The following STK32B variants were observed in gnomAD, a reference collection of about 807,000 sequenced individuals.
STK32B encodes the protein serine/threonine kinase 32B.
In STK32B, 43 loss-of-function variants were observed where a neutral mutation model predicts 52.6. That is an observed-to-expected ratio of 0.82 (90% confidence interval 0.64 to 1.05). The LOEUF (loss-of-function observed/expected upper bound fraction) is 1.05. STK32B is among the 50% of genes least tolerant of loss of function. STK32B has a pLI of 0.00. For synonymous variants in STK32B, 238 were observed against 204.3 expected (o/e 1.17, Z -1.41); for missense variants, 621 against 534.6 (o/e 1.16, Z -1.59).
At chr4:5,376,193 C>T (rs1322931521) in intron 4 of STK32B, among the ~76,000 whole-genome samples, 1 of 152,152 alleles carries the variant, frequency 6.6e-6, no homozygotes, top group Non-Finnish European at 1.5e-5. Flanking sequence ...CTCCGCCGGA[C>T]CAGGTTCTCC....
chr4:5,079,488 A>T (rs1712278375), intron 1 of STK32B, among the ~76,000 whole-genome samples: 1 of 152,210 alleles, frequency 6.6e-6, no homozygotes. Context: ...GCAAAATTTC[A>T]ATCTCATTGG....
At chr4:5,125,735 TTCA>T (rs1715324226) in intron 1 of STK32B, among the ~76,000 whole-genome samples, 1 of 152,200 alleles carries the variant, frequency 6.6e-6, no homozygotes, top group African/African-American at 2.4e-5. Context: ...TGCTTCTGCT[TTCA>T]TCAAGAGGTC....
chr4:5,101,310 C>T (rs1057505371), intron 1 of STK32B, among the ~76,000 whole-genome samples: 4 of 151,938 alleles, frequency 2.6e-5, no homozygotes, highest in African/African-American at 7.3e-5. Context: ...AGCATGCCTT[C>T]GGGGACATTG....
At chr4:5,252,235 A>C (rs538319571) in intron 3 of STK32B, among the ~76,000 whole-genome samples, 4 of 152,194 alleles carry the variant, frequency 2.6e-5, no homozygotes, top group Non-Finnish European at 5.9e-5. Context: ...AAGATTTGTC[A>C]TTATTGGCCA....
intron 4 of STK32B, among the ~76,000 whole-genome samples, chr4:5,362,062 A>C (rs1262346730): frequency 1.3e-5 from 2 of 152,238 alleles, no homozygotes; most frequent in Non-Finnish European, 2.9e-5. Flanking sequence ...TCTCTGGAAT[A>C]GTAAACAAGC....
At chr4:5,456,667 G>GCT in intron 7 of STK32B, 140 bp from the exon 8 acceptor site, 1 of 773,490 alleles carries the variant, frequency 1.3e-6, no homozygotes, top group Admixed American at 3.2e-5. Flanking sequence ...CGGGCCACCT[G>GCT]CTCTGCCGTG....
At chr4:5,185,662 C>G (rs1208337393) in intron 3 of STK32B, among the ~76,000 whole-genome samples, 1 of 152,132 alleles carries the variant, frequency 6.6e-6, no homozygotes. Flanking sequence ...TTGTCCCTAG[C>G]CTGAACTGTT....
intron 3 of STK32B, among the ~76,000 whole-genome samples, chr4:5,231,769 G>A (rs1336578866): frequency 2.0e-5 from 3 of 152,158 alleles, no homozygotes; most frequent in Non-Finnish European, 2.9e-5. Flanking sequence ...GAGGATACAA[G>A]GGTGACAAAT....
Position 5,469,510 on chromosome 4 carries a change from G to A in STK32B, c.1106+1440G>A, listed in dbSNP as rs1316653959. 6.6e-6 allele frequency among the ~76,000 whole-genome samples: 1 copy of A among 152,236 alleles called. No homozygotes were observed. The highest frequency in any genetic ancestry group is 6.5e-5 in the Admixed American group (1 of 15,284). On this transcript the variant is annotated intron_variant, in intron 11 of 11. Coordinates refer to ENST00000282908, the MANE Select transcript of STK32B (RefSeq NM_018401.3). The surrounding 1 kb of genome is among the most constrained non-coding windows in gnomAD (Gnocchi z 4.7). ...GCATGGCTGCCGCAGGGCCTAGAGA[G>A]TGAGGAGAGGTGAGGGATGGGGCAG...
intron 2 of STK32B, among the ~76,000 whole-genome samples, chr4:5,161,274 G>C (rs542927342): frequency 6.6e-6 from 1 of 152,196 alleles, no homozygotes; most frequent in South Asian, 2.1e-4. Flanking sequence ...TTTATGTGCT[G>C]TGAAAAGTCA....
rs80126594 is a variant in STK32B at position 5,183,906 on chromosome 4, G to A, written c.260+15456G>A. On this transcript the variant is annotated intron_variant, in intron 3 of 11. Coordinates refer to ENST00000282908, the MANE Select transcript of STK32B (RefSeq NM_018401.3). Reference sequence around the variant, plus strand: ...AGCCTTCATAAAATTGAAGAGAGTTGGGAACTTGCTCTGGATTAGGCTTTG... The same window carrying A: ...AGCCTTCATAAAATTGAAGAGAGTTAGGAACTTGCTCTGGATTAGGCTTTG... 2.1e-3 allele frequency among the ~76,000 whole-genome samples: 326 copies of A among 152,218 alleles called. 6 individuals carry two copies. In the East Asian group the frequency reaches 0.052, roughly 24 times the overall value.
At chr4:5,245,901 C>T (rs1032341979) in intron 3 of STK32B, among the ~76,000 whole-genome samples, 10 of 152,146 alleles carry the variant, frequency 6.6e-5, no homozygotes, top group East Asian at 1.9e-4. Flanking sequence ...AATATTGGCC[C>T]CCACTCTCTT....
intron 8 of STK32B, among the ~76,000 whole-genome samples, 182 bp from the exon 9 acceptor site, chr4:5,459,921 C>G (rs1006910654): frequency 1.3e-5 from 2 of 152,180 alleles, no homozygotes; most frequent in Non-Finnish European, 2.9e-5. Flanking sequence ...TCAGTTTCTC[C>G]CTGGCTATAA....
intron 4 of STK32B, among the ~76,000 whole-genome samples, chr4:5,376,938 G>A (rs889395472): frequency 1.7e-4 from 26 of 151,968 alleles, no homozygotes; most frequent in Non-Finnish European, 3.1e-4. Flanking sequence ...GTCTGCCCAG[G>A]GCCTCTGCCC....
intron 3 of STK32B, among the ~76,000 whole-genome samples, chr4:5,256,187 A>ACG (rs1229578659): frequency 2.0e-5 from 3 of 152,068 alleles, no homozygotes; most frequent in African/African-American, 7.3e-5. Context: ...TCCCGGGACC[A>ACG]CACAGTTATC....
chr4:5,500,447 T>TGCAAACAAACCTGTTTAG lies in STK32B; in HGVS notation c.*1366_*1383dup, dbSNP rs1245465366. On this transcript the variant is annotated 3_prime_UTR_variant, in exon 12 of 12. Coordinates refer to ENST00000282908, the MANE Select transcript of STK32B (RefSeq NM_018401.3). ...ACTCACCCAGCAGGTCAGTTTTCTG[T>TGCAAACAAACCTGTTTAG]GCAAACAAACCTGTTTAGGATTCTT... is the stretch of plus-strand genomic sequence containing the variant. 1 of 151,836 alleles carries TGCAAACAAACCTGTTTAG rather than the reference T, an allele frequency of 6.6e-6. No individual in the cohort carries two copies. Among genetic ancestry groups the TGCAAACAAACCTGTTTAG allele is most frequent in the Non-Finnish European group, 1.5e-5 (1 of 68,050 alleles). The allele number at this position is 151,836 out of a possible 1,614,324, so 9.4% of individuals were successfully genotyped here.
intron 1 of STK32B, among the ~76,000 whole-genome samples, chr4:5,095,527 A>T (rs1050300222): frequency 4.6e-5 from 7 of 152,190 alleles, no homozygotes; most frequent in African/African-American, 1.7e-4. Flanking sequence ...AGGCAGGAGA[A>T]TTGCTTGAAC....
chr4:5,293,425 A>G (rs1729009301), intron 3 of STK32B, among the ~76,000 whole-genome samples: 1 of 152,004 alleles, frequency 6.6e-6, no homozygotes, highest in South Asian at 2.1e-4. Flanking sequence ...AAGCGTTCCT[A>G]TTTCTCCACA....
chr4:5,247,086 A>G (rs949676418), intron 3 of STK32B, among the ~76,000 whole-genome samples: 4 of 151,874 alleles, frequency 2.6e-5, no homozygotes, highest in South Asian at 2.1e-4. Context: ...GAGAACCACT[A>G]CTCTCTTCAA....
Sources: gnomAD v4.1 joint callset for allele counts (sites outside exome capture counted in the v4.1 genomes callset) on GRCh38, gnomAD v4.1.1 for gene constraint, Gnocchi (gnomAD v3.1) non-coding constraint, MANE v1.5 for transcripts, NCBI Gene and HGNC (gene_info 2026-07-23, HGNC 2026-07-21) for gene names.